Variants in TSHZ3 observed in about 807,000 individuals in gnomAD.
The protein encoded by TSHZ3 is teashirt zinc finger homeobox 3, also known as teashirt homolog 3.
Under a neutral mutation model 64.5 loss-of-function variants are expected in TSHZ3, and 10 were observed. The observed-to-expected ratio is 0.16, with a 90% confidence interval of 0.10 to 0.26. The LOEUF is 0.26. Among genes scored for constraint, TSHZ3 ranks in the 10% least tolerant of loss-of-function variants. The pLI is 1.00. For synonymous variants in TSHZ3, 608 were observed against 593.1 expected (o/e 1.03, Z -0.36); for missense variants, 1,242 against 1,421.7 (o/e 0.87, Z 2.03).
intron 1 of TSHZ3, among the ~76,000 whole-genome samples, chr19:31,335,513 G>A (rs1338055216): frequency 6.6e-6 from 1 of 152,200 alleles, no homozygotes; most frequent in African/African-American, 2.4e-5. Flanking sequence ...GGTACTGACT[G>A]CCCTGGAAAA....
chr19:31,321,645 C>T (rs986180334), intron 1 of TSHZ3, among the ~76,000 whole-genome samples: 3 of 152,188 alleles, frequency 2.0e-5, no homozygotes, highest in African/African-American at 7.2e-5. Flanking sequence ...TTCCCCACAA[C>T]AGCAGGCCCG....
intron 5 of TSHZ3, among the ~76,000 whole-genome samples, chr19:31,189,422 T>G (rs1974866421): frequency 6.6e-6 from 1 of 152,000 alleles, no homozygotes; most frequent in African/African-American, 2.4e-5. Context: ...CCCTAAAATT[T>G]AATAGGTTGT....
intron 3 of TSHZ3, among the ~76,000 whole-genome samples, chr19:31,242,010 G>A (rs1975697282): frequency 6.6e-6 from 1 of 152,154 alleles, no homozygotes; most frequent in Non-Finnish European, 1.5e-5. Context: ...TTATTCAAGG[G>A]ATGTAAACTA....
At chr19:31,260,137 C>A (rs994934260) in intron 1 of TSHZ3, among the ~76,000 whole-genome samples, 1 of 152,186 alleles carries the variant, frequency 6.6e-6, no homozygotes, top group Non-Finnish European at 1.5e-5. Context: ...CAGGGCCCAG[C>A]TCAGGACCTG....
intron 1 of TSHZ3, among the ~76,000 whole-genome samples, chr19:31,315,506 G>A (rs746635552): frequency 6.6e-6 from 1 of 152,202 alleles, no homozygotes; most frequent in African/African-American, 2.4e-5. Flanking sequence ...GCAGCAGTGG[G>A]GCCCCTCCTG....
chr19:31,335,816 T>C (rs940842986), intron 1 of TSHZ3, among the ~76,000 whole-genome samples: 4 of 152,214 alleles, frequency 2.6e-5, no homozygotes, highest in Non-Finnish European at 4.4e-5. Flanking sequence ...AGGCCAGAGC[T>C]GTGTCACCCC....
chr19:31,213,942 G>A lies in TSHZ3; in HGVS notation n.687-8864C>T, dbSNP rs1215214380. ...GTTTTCAAATTGCGACAATTTAGGG[G>A]GATTTTATTTTTTATTTTATTCTTA... On this transcript the variant is annotated intron_variant and non_coding_transcript_variant, in intron 4 of 6. Coordinates refer to the TSHZ3 transcript ENST00000651361. Among the ~76,000 whole-genome samples the A allele has an allele frequency of 3.9e-5, 6 of 152,094 alleles. No homozygotes were observed. In the East Asian group the frequency reaches 1.2e-3, roughly 29 times the overall value.
chr19:31,165,917 G>T (rs1974444527), intron 5 of TSHZ3, among the ~76,000 whole-genome samples: 1 of 152,194 alleles, frequency 6.6e-6, no homozygotes, highest in Non-Finnish European at 1.5e-5. Context: ...AAGTGGGCTG[G>T]TCTTCTTATT....
chr19:31,212,319 G>A (rs748269514), intron 4 of TSHZ3, among the ~76,000 whole-genome samples: 18 of 151,988 alleles, frequency 1.2e-4, no homozygotes, highest in Non-Finnish European at 2.1e-4. Context: ...TTAGCCGGGC[G>A]TGGTGGTGCA....
intron 1 of TSHZ3, among the ~76,000 whole-genome samples, chr19:31,298,006 C>T (rs1487914159): frequency 3.3e-5 from 5 of 152,128 alleles, no homozygotes; most frequent in Non-Finnish European, 7.3e-5. Flanking sequence ...GGTCAGTGGG[C>T]CACCACCTCG....
At chr19:31,194,177 A>G (rs1028675411) in intron 5 of TSHZ3, among the ~76,000 whole-genome samples, 1 of 152,176 alleles carries the variant, frequency 6.6e-6, no homozygotes, top group Admixed American at 6.5e-5. Flanking sequence ...GTGTGGATAA[A>G]CCTGAGAGTT....
chr19:31,348,365 G>A (rs1367747637), intron 1 of TSHZ3, among the ~76,000 whole-genome samples: 1 of 151,524 alleles, frequency 6.6e-6, no homozygotes, highest in Non-Finnish European at 1.5e-5. Context: ...ATAATGTTAT[G>A]TGTGTGGTTT....
chr19:31,345,411 T>C (rs1259347941), intron 1 of TSHZ3, among the ~76,000 whole-genome samples: 2 of 152,222 alleles, frequency 1.3e-5, no homozygotes, highest in East Asian at 3.9e-4. Context: ...CTTAGGAAGG[T>C]GTCATCTGGA....
chr19:31,304,540 A>C (rs1462797708), intron 1 of TSHZ3, among the ~76,000 whole-genome samples: 1 of 152,232 alleles, frequency 6.6e-6, no homozygotes, highest in African/African-American at 2.4e-5. Context: ...TTTTTAAAAT[A>C]TCAAAACCTG....
intron 1 of TSHZ3, among the ~76,000 whole-genome samples, chr19:31,256,537 C>T (rs1338194359): frequency 6.6e-6 from 1 of 152,192 alleles, no homozygotes; most frequent in Non-Finnish European, 1.5e-5. Context: ...GAGGCAGAGG[C>T]GCTCTGATGC....
intron 5 of TSHZ3, among the ~76,000 whole-genome samples, chr19:31,184,506 T>A (rs963267975): frequency 6.6e-6 from 1 of 152,226 alleles, no homozygotes; most frequent in African/African-American, 2.4e-5. Flanking sequence ...TACAGCCTCA[T>A]CTGTCTCCCA....
intron 1 of TSHZ3, among the ~76,000 whole-genome samples, chr19:31,292,797 T>C (rs563547103): frequency 2.9e-4 from 43 of 147,982 alleles, no homozygotes; most frequent in Non-Finnish European, 4.9e-4. Context: ...CAAAAACATA[T>C]CCATCCATCC....
chr19:31,284,471 C>T lies in TSHZ3; in HGVS notation c.41-4719G>A, dbSNP rs142577104. On this transcript the variant is annotated intron_variant, in intron 1 of 1. Transcript: ENST00000240587. ...TTCCCACTGGGCTCGGAAGAAGATCCAAATTCCTCAAAGCAGCCCTGAAGG... is the reference window on the plus strand; with the variant it reads ...TTCCCACTGGGCTCGGAAGAAGATCTAAATTCCTCAAAGCAGCCCTGAAGG... 2.5e-3 allele frequency among the ~76,000 whole-genome samples: 374 copies of T among 152,230 alleles called. 5 individuals are homozygous for T. Among genetic ancestry groups the T allele is most frequent in the Admixed American group, 0.021 (324 of 15,290 alleles).
chr19:31,211,081 T>G (rs1430860656), intron 4 of TSHZ3, among the ~76,000 whole-genome samples: 1 of 152,186 alleles, frequency 6.6e-6, no homozygotes, highest in African/African-American at 2.4e-5. Context: ...ATAATGAAAG[T>G]GAAGTACATT....
Sources: gnomAD v4.1 joint callset for allele counts (sites outside exome capture counted in the v4.1 genomes callset) on GRCh38, gnomAD v4.1.1 for gene constraint, MANE v1.5 for transcripts, NCBI Gene and HGNC (gene_info 2026-07-23, HGNC 2026-07-21) for gene names.